Variants in PXT1 observed in about 807,000 individuals in gnomAD.
PXT1 encodes peroxisomal testis enriched protein 1.
In PXT1, 11 loss-of-function variants were observed where a neutral mutation model predicts 11.0. That is an observed-to-expected ratio of 1.00 (90% CI 0.63 to 1.66). The LOEUF is 1.66. PXT1 is among the 40% of genes most tolerant of loss of function. PXT1 has a pLI of 0.00. For synonymous variants in PXT1, 43 were observed against 51.4 expected (o/e 0.84, Z 0.70); for missense variants, 141 against 155.5 (o/e 0.91, Z 0.49).
At chr6:36,420,840 G>A (rs1334392138) in intron 3 of PXT1, among the ~76,000 whole-genome samples, 1 of 152,134 alleles carries the variant, frequency 6.6e-6, no homozygotes, top group East Asian at 1.9e-4. Flanking sequence ...ATCACCTGAG[G>A]TCAGGAGTTT....
intron 3 of PXT1, among the ~76,000 whole-genome samples, chr6:36,418,457 GCTTT>G (rs1368956239): frequency 6.6e-6 from 1 of 152,066 alleles, no homozygotes; most frequent in Non-Finnish European, 1.5e-5. Flanking sequence ...CAAATAGAGG[GCTTT>G]CTATGTGCCA....
chr6:36,426,184 G>T, intron 2 of PXT1, 93 bp from the exon 3 acceptor site: 3 of 785,500 alleles, frequency 3.8e-6, no homozygotes, highest in Non-Finnish European at 5.8e-6. Context: ...AATATCAGCA[G>T]CATTTATTCC....
intron 3 of PXT1, among the ~76,000 whole-genome samples, chr6:36,414,101 G>A (rs1436741982): frequency 2.6e-5 from 4 of 152,192 alleles, no homozygotes; most frequent in Non-Finnish European, 5.9e-5. Context: ...CATTTGTTAG[G>A]AAGCCTCTTG....
intron 2 of PXT1, among the ~76,000 whole-genome samples, chr6:36,434,954 G>A (rs1446293593): frequency 2.0e-5 from 3 of 152,108 alleles, no homozygotes; most frequent in Admixed American, 2.0e-4. Flanking sequence ...TAACTTTTCT[G>A]AAAGGTACTT....
intron 3 of PXT1, among the ~76,000 whole-genome samples, chr6:36,403,001 A>G (rs1774236693): frequency 6.9e-6 from 1 of 145,486 alleles, no homozygotes; most frequent in African/African-American, 2.6e-5. Flanking sequence ...CAATGGTGCT[A>G]TCTCAGCACC....
chr6:36,405,380 T>G (rs947221181), intron 3 of PXT1, among the ~76,000 whole-genome samples: 7 of 151,574 alleles, frequency 4.6e-5, no homozygotes, highest in Admixed American at 6.6e-5. Flanking sequence ...AAAAACTGTT[T>G]TTTTTTTTTT....
intron 3 of PXT1, among the ~76,000 whole-genome samples, chr6:36,401,207 A>G (rs1774208642): frequency 6.6e-6 from 1 of 151,952 alleles, no homozygotes; most frequent in Non-Finnish European, 1.5e-5. Flanking sequence ...GATATATTTT[A>G]CATTTTTAAA....
intron 1 of PXT1, among the ~76,000 whole-genome samples, chr6:36,442,201 G>C (rs1774882507): frequency 6.6e-6 from 1 of 152,016 alleles, no homozygotes; most frequent in Non-Finnish European, 1.5e-5. Context: ...GCTAATTTTT[G>C]TATTTTTAGC....
At chr6:36,404,822 G>A (rs912076623) in intron 3 of PXT1, among the ~76,000 whole-genome samples, 2 of 152,120 alleles carry the variant, frequency 1.3e-5, no homozygotes, top group East Asian at 3.9e-4. Context: ...GCCGGGCGTG[G>A]TGGCATGCAC....
chr6:36,402,464 T>C (rs887101911), intron 3 of PXT1, among the ~76,000 whole-genome samples: 6 of 152,150 alleles, frequency 3.9e-5, no homozygotes, highest in African/African-American at 1.4e-4. Flanking sequence ...AAGAGTCCAG[T>C]GGGAGAGAGA....
rs201647485 is a variant in PXT1 at position 36,427,670 on chromosome 6, TA to T, written c.-9-1580del. Among the ~76,000 whole-genome samples the T allele has an allele frequency of 8.3e-3, 1,257 of 152,278 alleles. 15 individuals carry two copies. Among genetic ancestry groups the T allele is most frequent in the African/African-American group, 0.029 (1,200 of 41,556 alleles). ...TTGTCATTTCAACATGTAATCAATA[TA>T]AAAAATTATTAATGAAATATTTTAC... On this transcript the variant is annotated intron_variant, in intron 2 of 4. Transcript: ENST00000454782.
At chr6:36,431,600 C>G (rs1774693782) in intron 2 of PXT1, among the ~76,000 whole-genome samples, 1 of 151,952 alleles carries the variant, frequency 6.6e-6, no homozygotes, top group African/African-American at 2.4e-5. Flanking sequence ...AACCGTGTCT[C>G]TACAAAAAAT....
chr6:36,391,464 CCT>C lies in PXT1; in HGVS notation c.*304_*305del. On this transcript the variant is annotated 3_prime_UTR_variant, in exon 5 of 5. Coordinates refer to ENST00000454782, the MANE Select transcript of PXT1 (RefSeq NM_152990.4). ...TCCTGGAAGGAAATGTTCAAGGTTT[CCT>C]CACAAGGAGCCCTGGGACCATCCAC... The C allele has an allele frequency of 3.3e-6, 1 of 300,550 alleles. No individual in the cohort carries two copies. Among genetic ancestry groups the C allele is most frequent in the South Asian group, 4.5e-5 (1 of 22,042 alleles). 18.6% of individuals were successfully genotyped at this position (300,550 alleles called of 1,614,324 possible).
chr6:36,400,517 A>C lies in PXT1; in HGVS notation c.237T>G (p.Ile79Met), dbSNP rs765918580. The C allele has an allele frequency of 1.2e-6, 2 of 1,613,844 alleles. No individual in the cohort carries two copies. Among genetic ancestry groups the C allele is most frequent in the African/African-American group, 2.7e-5 (2 of 74,884 alleles). The change falls in exon 4 of 5, where the codon ATT (isoleucine) becomes ATG (methionine). Residue 79 changes from isoleucine to methionine, a missense_variant. Physicochemically the swap from Ile to Met is conservative, Grantham distance 10. Coordinates refer to ENST00000454782, the MANE Select transcript of PXT1 (RefSeq NM_152990.4). Reference protein sequence around the residue: ...IVQKHHQEEIIHKLAMQLRHI... With the variant: ...IVQKHHQEEIMHKLAMQLRHI... Reference sequence around the variant, plus strand: ...GTCTCAGCTGCATGGCCAACTTGTGAATTATTTCCTCCTGGTGATGCTTCT... The same window carrying C: ...GTCTCAGCTGCATGGCCAACTTGTGCATTATTTCCTCCTGGTGATGCTTCT...
chr6:36,411,810 G>A (rs567995546), intron 3 of PXT1, among the ~76,000 whole-genome samples: 13 of 152,052 alleles, frequency 8.5e-5, no homozygotes, highest in African/African-American at 7.2e-5. Flanking sequence ...TTAGCCAGGC[G>A]TGGTGATGTG....
At chr6:36,409,961 AAG>A (rs1337385948) in intron 3 of PXT1, among the ~76,000 whole-genome samples, 2 of 33,100 alleles carry the variant, frequency 6.0e-5, no homozygotes, top group South Asian at 4.4e-4. Context: ...GAAAGGAAGA[AAG>A]AGAAAAAAGA....
Position 36,425,999 on chromosome 6 carries a change from T to C in PXT1, c.84A>G (p.Ser28=). The C allele has an allele frequency of 6.5e-7, 1 of 1,532,996 alleles. No individual in the cohort carries two copies. The highest frequency in any genetic ancestry group is 8.7e-7 in the Non-Finnish European group (1 of 1,144,892). The allele number at this position is 1,532,996 out of a possible 1,614,324, so 95.0% of individuals were successfully genotyped here. A position where few individuals can be genotyped will look rare whatever the true frequency, so the allele number is the denominator to read the frequency against. Residue 28 remains serine (S), a synonymous_variant, in exon 3 of 5, where the codon TCA becomes TCG. Coordinates refer to ENST00000454782, the MANE Select transcript of PXT1 (RefSeq NM_152990.4). ...PSPKVTHCCK[S]LWLKYSFQKA... is the part of the protein sequence containing the mutation. ...TCTGAAAACTGTATTTTAACCACAG[T>C]GATTTGCAACAATGTGTTACTTTGG...
intron 3 of PXT1, among the ~76,000 whole-genome samples, chr6:36,423,217 G>A (rs1774547035): frequency 6.6e-6 from 1 of 152,208 alleles, no homozygotes; most frequent in African/African-American, 2.4e-5. Context: ...TGAGGGGAGA[G>A]GTGGACCTCC....
chr6:36,417,591 CA>C (rs70975157), intron 3 of PXT1, among the ~76,000 whole-genome samples: 36,595 of 99,048 alleles, frequency 0.37, 6,383 homozygotes, highest in African/African-American at 0.54. Flanking sequence ...TTCGTCTCTA[CA>C]AAAAAAAAAA....
Sources: gnomAD v4.1 joint callset for allele counts (sites outside exome capture counted in the v4.1 genomes callset) on GRCh38, gnomAD v4.1.1 for gene constraint, MANE v1.5 for transcripts, NCBI Gene and HGNC (gene_info 2026-07-23, HGNC 2026-07-21) for gene names.